ADNP: variants seen among roughly 807,000 people sequenced by gnomAD.
ADNP encodes activity dependent neuroprotector homeobox.
In ADNP, 4 loss-of-function variants were observed where a neutral mutation model predicts 84.9. The ratio of observed to expected loss-of-function variants is 0.05; its 90% CI spans 0.02 to 0.11. ADNP has a LOEUF of 0.11. ADNP is among the 10% of genes least tolerant of loss of function. ADNP has a pLI of 1.00. For missense variants in ADNP, 1,132 were observed against 1,326.0 expected (o/e 0.85, Z 2.27); for synonymous variants, 554 against 468.1 (o/e 1.18, Z -2.37).
Position 50,892,564 on chromosome 20 carries a change from C to G in ADNP, c.2150G>C (p.Arg717Pro), listed in dbSNP as rs756595568. 6.2e-7 allele frequency: 1 copy of G among 1,614,038 alleles called. No homozygotes were observed. The highest frequency in any genetic ancestry group is 8.5e-7 in the Non-Finnish European group (1 of 1,180,044). Reference protein sequence around the residue: ...NQSPSLAPVKRTYEQMEFPLL... With the variant: ...NQSPSLAPVKPTYEQMEFPLL... ...GGGAAATTCCATTTGCTCGTAAGTG[C>G]GCTTCACAGGTGCCAGACTTGGAGA... is the stretch of plus-strand genomic sequence containing the variant. The change falls in exon 6 of 6, where the codon CGC (arginine) becomes CCC (proline). Residue 717 changes from arginine (R) to proline (P), a missense_variant. Arg to Pro is a moderately radical substitution (Grantham distance 103). This residue lies in a region of ADNP where 101 missense variants were observed against 78.5 expected (regional missense o/e 1.29). Coordinates refer to ENST00000621696, the MANE Select transcript of ADNP (RefSeq NM_001282531.3).
chr20:50,912,626 A>G (rs1983148939), intron 2 of ADNP, among the ~76,000 whole-genome samples: 1 of 152,210 alleles, frequency 6.6e-6, no homozygotes, highest in Non-Finnish European at 1.5e-5. Context: ...AAATTTATGC[A>G]AAAGTGGCAG....
intron 5 of ADNP, among the ~76,000 whole-genome samples, chr20:50,895,326 G>A (rs1301649871): frequency 6.6e-6 from 1 of 152,180 alleles, no homozygotes; most frequent in African/African-American, 2.4e-5. Context: ...GCATGTTTCT[G>A]TACTGATTAC....
chr20:50,891,108 A>G lies in ADNP; in HGVS notation c.*297T>C. 3 of 1,172,446 alleles carry G rather than the reference A, an allele frequency of 2.6e-6. No individual in the cohort carries two copies. The highest frequency in any genetic ancestry group is 3.2e-6 in the Non-Finnish European group (3 of 949,736). 72.6% of individuals were successfully genotyped at this position (1,172,446 alleles called of 1,614,324 possible). On this transcript the variant is annotated 3_prime_UTR_variant, in exon 6 of 6. Coordinates refer to ENST00000621696, the MANE Select transcript of ADNP (RefSeq NM_001282531.3). ...ATCTGACCAATCATTTCACAGAGGG[A>G]AAGAAATGTTGAAAAGGCAGATAAA... is the stretch of plus-strand genomic sequence containing the variant.
chr20:50,926,162 A>G (rs899616131), intron 2 of ADNP, among the ~76,000 whole-genome samples: 2 of 152,262 alleles, frequency 1.3e-5, no homozygotes, highest in Non-Finnish European at 2.9e-5. Context: ...TACGATGCTA[A>G]TAACAAGTCA....
At chr20:50,905,185 C>G (rs1459661872) in intron 2 of ADNP, 1 of 152,034 alleles carries the variant, frequency 6.6e-6, no homozygotes, top group Non-Finnish European at 1.5e-5. Context: ...TCAGTAAAAC[C>G]TGGGCAGCTG....
At chr20:50,916,306 C>T (rs770582154) in intron 2 of ADNP, among the ~76,000 whole-genome samples, 15 of 152,142 alleles carry the variant, frequency 9.9e-5, no homozygotes, top group African/African-American at 2.4e-4. Context: ...AGTAAGAGGG[C>T]GCACAAAATC....
At chr20:50,905,380 A>G (rs1263370288) in intron 2 of ADNP, 1 of 152,232 alleles carries the variant, frequency 6.6e-6, no homozygotes, top group Non-Finnish European at 1.5e-5. Context: ...CCAGTTTTCT[A>G]ATTAACAAAG....
rs776183933 is a variant in ADNP, at chr20:50,892,955, G to A, written c.1759C>T (p.Pro587Ser). The change falls in exon 6 of 6, where the codon CCT (proline) becomes TCT (serine). Residue 587 changes from proline (P) to serine (S), a missense_variant. By Grantham distance (74) the Pro-to-Ser change is moderately conservative (BLOSUM62 -1). Coordinates refer to ENST00000621696, the MANE Select transcript of ADNP (RefSeq NM_001282531.3). ...ESVAYHAQNN[P>S]PVPPKPQPKV... ...GGCTGTGGCTTTGGAGGAACTGGAG[G>A]ATTATTTTGGGCATGGTAAGCAACA... The A allele has an allele frequency of 7.4e-6, 12 of 1,614,072 alleles. No individual in the cohort carries two copies. In the East Asian group the frequency reaches 1.8e-4, roughly 24 times the overall value.
rs374338323 is a variant in ADNP at position 50,892,719 on chromosome 20, G to T, written c.1995C>A (p.Ile665=). 2.5e-6 allele frequency: 4 copies of T among 1,614,088 alleles called. No individual in the cohort carries two copies. Among genetic ancestry groups the T allele is most frequent in the Non-Finnish European group, 3.4e-6 (4 of 1,180,052 alleles). ...TGCTGGTATACACACCAAGGCAATG[G>T]ATACATTTGTAGGTGAGCTTTTTCT... ...PVEKKLTYKC[I]HCLGVYTSNM... is the part of the protein sequence containing the mutation. Residue 665 remains isoleucine, a synonymous_variant, in exon 6 of 6, where the codon ATC becomes ATA. Coordinates refer to ENST00000621696, the MANE Select transcript of ADNP (RefSeq NM_001282531.3).
intron 5 of ADNP, among the ~76,000 whole-genome samples, chr20:50,898,394 G>A (rs1007094978): frequency 1.3e-5 from 2 of 152,152 alleles, no homozygotes; most frequent in Non-Finnish European, 2.9e-5. Flanking sequence ...GTGCTGAGAG[G>A]TACACAGCAC....
chr20:50,893,894 T>C lies in ADNP; in HGVS notation c.820A>G (p.Lys274Glu). The C allele has an allele frequency of 6.2e-7, 1 of 1,614,186 alleles. No individual in the cohort carries two copies. The highest frequency in any genetic ancestry group is 8.5e-7 in the Non-Finnish European group (1 of 1,180,024). The stretch of plus-strand genomic sequence containing the variant: ...CCCATGCTCTTCTTGTCTTGAGGTT[T>C]GGGAGCAATTAGCATCAAGGGTTTG... Reference protein sequence around the residue: ...RSKPLMLIAPKPQDKKSMGLP... With the variant: ...RSKPLMLIAPEPQDKKSMGLP... The change falls in exon 6 of 6, where the codon AAA becomes GAA. Residue 274 changes from lysine to glutamate, a missense_variant. By Grantham distance (56) the Lys-to-Glu change is moderately conservative (BLOSUM62 1). This residue lies in a region of ADNP where 239 missense variants were observed against 213.2 expected (regional missense o/e 1.12). Transcript: ENST00000621696. The surrounding 1 kb of genome is among the most constrained non-coding windows in gnomAD (Gnocchi z 4.4).
At chr20:50,914,079 G>T in intron 2 of ADNP, 1 of 736,718 alleles carries the variant, frequency 1.4e-6, no homozygotes, top group Non-Finnish European at 2.5e-6. Context: ...CCAAAAACAG[G>T]CATGAGATTG....
At chr20:50,906,849 TATAAA>T in intron 2 of ADNP, among the ~76,000 whole-genome samples, 1 of 152,298 alleles carries the variant, frequency 6.6e-6, no homozygotes, top group East Asian at 1.9e-4. Flanking sequence ...TTAAAAGGCT[TATAAA>T]TAAAGCAGTG....
chr20:50,899,074 A>G lies in ADNP; in HGVS notation c.201+2943T>C, dbSNP rs528991882. ...ATGTGGATTTTTTCCAAACAAATGT[A>G]GATCAAAGATACAGTATTCTTGGGA... On this transcript the variant is annotated intron_variant, in intron 5 of 5. Coordinates refer to ENST00000621696, the MANE Select transcript of ADNP (RefSeq NM_001282531.3). Among the ~76,000 whole-genome samples, 32 of 151,890 alleles carry G rather than the reference A, an allele frequency of 2.1e-4. No individual in the cohort carries two copies. The South Asian group carries it at 3.3e-3, about 16-fold the overall frequency.
At chr20:50,915,668 G>A (rs977281913) in intron 2 of ADNP, among the ~76,000 whole-genome samples, 1 of 152,076 alleles carries the variant, frequency 6.6e-6, no homozygotes, top group Non-Finnish European at 1.5e-5. Flanking sequence ...ACTATCCAGG[G>A]GCAGAATGTT....
chr20:50,897,217 A>C (rs1393393337), intron 5 of ADNP, among the ~76,000 whole-genome samples: 1 of 152,200 alleles, frequency 6.6e-6, no homozygotes, highest in African/African-American at 2.4e-5. Flanking sequence ...CTGGGATTAC[A>C]GGCGTGAGCC....
At chr20:50,901,829 C>G (rs1360055820) in intron 5 of ADNP, among the ~76,000 whole-genome samples, 188 bp downstream of exon 5, 1 of 152,122 alleles carries the variant, frequency 6.6e-6, no homozygotes, top group Non-Finnish European at 1.5e-5. Flanking sequence ...AAGTTTTAGT[C>G]CAATGACAAA....
intron 2 of ADNP, among the ~76,000 whole-genome samples, chr20:50,919,843 C>T (rs777332812): frequency 1.3e-5 from 2 of 152,168 alleles, no homozygotes; most frequent in Non-Finnish European, 2.9e-5. Context: ...TAACAAGGAA[C>T]GACATGATTG....
intron 2 of ADNP, among the ~76,000 whole-genome samples, chr20:50,921,563 C>T (rs1983956420): frequency 6.6e-6 from 1 of 152,242 alleles, no homozygotes; most frequent in African/African-American, 2.4e-5. Flanking sequence ...AAAACTGCTA[C>T]TGTGTTGCTG....
Sources: allele counts gnomAD v4.1 joint callset (sites outside exome capture counted in the v4.1 genomes callset), GRCh38; gene constraint gnomAD v4.1.1; regional missense constraint gnomAD v4.1.1; non-coding constraint Gnocchi (gnomAD v3.1); transcripts MANE v1.5; gene names NCBI Gene and HGNC (gene_info 2026-07-23, HGNC 2026-07-21).